DUS3L: variants seen among roughly 807,000 people sequenced by gnomAD.
The protein encoded by DUS3L is dihydrouridine synthase 3 like, also known as tRNA-dihydrouridine(47) synthase [NAD(P)(+)]-like.
DUS3L carries 62 observed loss-of-function variants against 74.6 expected under a neutral mutation model. The ratio of observed to expected loss-of-function variants is 0.83; its 90% confidence interval spans 0.68 to 1.03. The LOEUF is 1.03. Among genes scored for constraint, DUS3L ranks in the 50% least tolerant of loss-of-function variants. The pLI, the probability that DUS3L is intolerant of heterozygous loss-of-function variation, is 0.00. For missense variants in DUS3L, 884 were observed against 924.4 expected, an observed-to-expected ratio of 0.96 and a Z score of 0.57; for synonymous variants, 433 against 395.7, an observed-to-expected ratio of 1.09 and a Z score of -1.12.
At chr19:5,788,570 T>C (rs1035824205) in intron 3 of DUS3L, among the ~76,000 whole-genome samples, 172 bp from the exon 4 acceptor site, 4 of 152,144 alleles carry the variant, frequency 2.6e-5, no homozygotes, top group African/African-American at 9.7e-5. Flanking sequence ...GTTCCTTTCC[T>C]CATCGTCTCC....
In DUS3L at chr19:5,791,064, T is replaced by C; in HGVS notation, c.78A>G (p.Gly26=). The stretch of plus-strand genomic sequence containing the variant: ...CTCACTGACGCTTAATGGGCGCCAC[T>C]CCTCGTTCCAAAGCTCCGGCTCCCG... ...GDSGAGALER[G]VAPIKRQYLT... The change falls in exon 1 of 13, where the codon GGA becomes GGG. Residue 26 remains glycine, a synonymous_variant. Coordinates refer to ENST00000309061, the MANE Select transcript of DUS3L (RefSeq NM_020175.3). 6.2e-7 allele frequency: 1 copy of C among 1,605,516 alleles called. No homozygotes were observed. The highest frequency in any genetic ancestry group is 8.5e-7 in the Non-Finnish European group (1 of 1,176,564).
chr19:5,789,347 CGCCCTCGGCTGCCGT>C lies in DUS3L; in HGVS notation c.745_759del (p.Thr249_Gly253del), dbSNP rs1568388266. 6.3e-7 allele frequency: 1 copy of C among 1,599,720 alleles called. No individual in the cohort carries two copies. Among genetic ancestry groups the C allele is most frequent in the Non-Finnish European group, 8.5e-7 (1 of 1,174,412 alleles). On this transcript the variant is annotated inframe_deletion, in exon 3 of 13. Transcript: ENST00000309061. ...GCACCACAGTTTTCCTGCCTGGGAG[CGCCCTCGGCTGCCGT>C]GCCCTCGGGGACAGCGGCAGCGGGT...
At chr19:5,788,479 A>C in intron 3 of DUS3L, 81 bp from the exon 4 acceptor site, 3 of 1,514,600 alleles carry the variant, frequency 2.0e-6, no homozygotes, top group Non-Finnish European at 2.7e-6. Flanking sequence ...TTCTACCCAC[A>C]GTCTAGGACA....
In DUS3L at chr19:5,791,054, T is replaced by C; in HGVS notation, c.88A>G (p.Ile30Val). 1 of 1,603,724 alleles carries C rather than the reference T, an allele frequency of 6.2e-7. No homozygotes were observed. The highest frequency in any genetic ancestry group is 1.7e-5 in the Admixed American group (1 of 58,410). ...GCCCCGGCGACTCACTGACGCTTAA[T>C]GGGCGCCACTCCTCGTTCCAAAGCT... ...AGALERGVAP[I>V]KRQYLTTKEQ... Residue 30 changes from isoleucine (I) to valine (V), a missense_variant, in exon 1 of 13, where the codon ATT (isoleucine) becomes GTT (valine). Ile to Val is a conservative substitution (Grantham distance 29). Transcript: ENST00000309061.
chr19:5,789,389 T>C lies in DUS3L; in HGVS notation c.718A>G (p.Thr240Ala). The change falls in exon 3 of 13, where the codon ACA becomes GCA. Residue 240 changes from threonine to alanine, a missense_variant. By Grantham distance (58) the Thr-to-Ala change is moderately conservative. Coordinates refer to ENST00000309061, the MANE Select transcript of DUS3L (RefSeq NM_020175.3). ...CCCTCGGGGACAGCGGCAGCGGGTGTGGGGCCCTGGCTGAACCGGCGCAGG... is the reference window on the plus strand; with the variant it reads ...CCCTCGGGGACAGCGGCAGCGGGTGCGGGGCCCTGGCTGAACCGGCGCAGG... ...QALRRFSQGP[T>A]PAAAVPEGTA... is the part of the protein sequence containing the mutation. The C allele has an allele frequency of 6.3e-7, 1 of 1,592,284 alleles. No individual in the cohort carries two copies. The highest frequency in any genetic ancestry group is 8.5e-7 in the Non-Finnish European group (1 of 1,172,182).
intron 3 of DUS3L, 104 bp downstream of exon 3, chr19:5,789,103 C>T (rs2056882981): frequency 6.9e-7 from 1 of 1,458,588 alleles, no homozygotes; most frequent in South Asian, 1.5e-5. Context: ...GGCACACAGC[C>T]TCTGACTCCC....
rs2056863038 is a variant in DUS3L, at chr19:5,787,296, C to T, written c.1278G>A (p.Gln426=). ...KFQQIVRGMN[Q]VLDVPLTVKI... ...AGTGCGAGGATGTGGCTGGCCGTAC[C>T]TGGTTCATGCCACGGACGATCTGCT... The change falls in exon 7 of 13, where the codon CAG becomes CAA. Residue 426 remains glutamine, a splice_region_variant and synonymous_variant. Coordinates refer to ENST00000309061, the MANE Select transcript of DUS3L (RefSeq NM_020175.3). 9.7e-7 allele frequency: 1 copy of T among 1,030,162 alleles called. No individual in the cohort carries two copies. The highest frequency in any genetic ancestry group is 1.0e-4 in the East Asian group (1 of 9,774). 63.8% of individuals were successfully genotyped at this position (1,030,162 alleles called of 1,614,324 possible).
Position 5,787,072 on chromosome 19 carries a change from C to T in DUS3L, c.1378G>A (p.Ala460Thr). The T allele has an allele frequency of 2.6e-6, 4 of 1,549,210 alleles. No individual in the cohort carries two copies. The highest frequency in any genetic ancestry group is 1.4e-5 in the African/African-American group (1 of 73,546). The change falls in exon 8 of 13, where the codon GCA becomes ACA. Residue 460 changes from alanine (A) to threonine (T), a missense_variant. Physicochemically the swap from Ala to Thr is moderately conservative, Grantham distance 58. Coordinates refer to ENST00000309061, the MANE Select transcript of DUS3L (RefSeq NM_020175.3). The part of the protein sequence containing the change: ...LLPELRDWGV[A>T]LVTLHGRSRE... ...GTCCCAAGACCCACCGTGACGAGTG[C>T]CACGCCCCAGTCCCGCAGCTCGGGC...
intron 6 of DUS3L, 77 bp from the exon 7 acceptor site, chr19:5,787,438 C>A (rs1280354425): frequency 6.4e-7 from 1 of 1,555,418 alleles, no homozygotes; most frequent in Non-Finnish European, 8.8e-7. Flanking sequence ...GCCCGGAGGC[C>A]CCCACCAGGA....
At position 5,786,495 on chromosome 19, in the gene DUS3L, TC is replaced by T. The variant is rs1386586882; in HGVS notation, c.1533del (p.Thr512LeufsTer7). 17 of 1,612,930 alleles carry T rather than the reference TC, an allele frequency of 1.1e-5. No homozygotes were observed. The highest frequency in any genetic ancestry group is 2.7e-5 in the African/African-American group (2 of 74,920). ...LSFEDANRAM[Q>X]TGVTGIMIAR... The stretch of plus-strand genomic sequence containing the variant: ...GCAATCATGATCCCGGTGACACCAG[TC>T]TGCATGGCGCGGTTGGCATCCTCAA... On this transcript the variant is annotated frameshift_variant, in exon 10 of 13. Coordinates refer to ENST00000309061, the MANE Select transcript of DUS3L (RefSeq NM_020175.3). LOFTEE classifies it high-confidence loss of function.
Position 5,789,239 on chromosome 19 carries a change from C to T in DUS3L, c.868G>A (p.Val290Met), listed in dbSNP as rs2056884662. Residue 290 changes from valine to methionine, a missense_variant, in exon 3 of 13, where the codon GTG (valine) becomes ATG (methionine). By Grantham distance (21) the Val-to-Met change is conservative (BLOSUM62 1). Coordinates refer to ENST00000309061, the MANE Select transcript of DUS3L (RefSeq NM_020175.3). The part of the protein sequence containing the change: ...RTCGPLTDED[V>M]VRLRPCEKKR... ...TTCTCACAGGGCCGCAGCCTGACCA[C>T]GTCCTCATCCGTCAGGGGCCCGCAG... 1.9e-6 allele frequency: 3 copies of T among 1,563,784 alleles called. No homozygotes were observed. Among genetic ancestry groups the T allele is most frequent in the African/African-American group, 1.4e-5 (1 of 72,750 alleles).
Position 5,785,155 on chromosome 19 carries a change from A to G in DUS3L, c.*48T>C. The G allele has an allele frequency of 6.5e-7, 1 of 1,550,238 alleles. No individual in the cohort carries two copies. The highest frequency in any genetic ancestry group is 8.7e-7 in the Non-Finnish European group (1 of 1,145,756). On this transcript the variant is annotated 3_prime_UTR_variant, in exon 13 of 13. Transcript: ENST00000309061. ...AAGGCCTGGATTTTAAAAGAATAAA[A>G]TTTATTGTACTCTCCTCGCCCCAGG...
rs1451865334 is a variant in DUS3L, at chr19:5,787,653, C to A, written c.1148G>T (p.Arg383Leu). The stretch of plus-strand genomic sequence containing the variant: ...GTCCACAAAGTCCACCTCCACGGTG[C>A]GGCTCAGCAGCTCGGCACACTTGGT... ...TMTKCAELLS[R>L]TVEVDFVDIN... The change falls in exon 6 of 13, where the codon CGC (arginine) becomes CTC (leucine). Residue 383 changes from arginine (R) to leucine (L), a missense_variant. Arg to Leu is a moderately radical substitution (Grantham distance 102, BLOSUM62 -2). Coordinates refer to ENST00000309061, the MANE Select transcript of DUS3L (RefSeq NM_020175.3). 1.2e-6 allele frequency: 2 copies of A among 1,613,754 alleles called. No individual in the cohort carries two copies. The highest frequency in any genetic ancestry group is 8.5e-7 in the Non-Finnish European group (1 of 1,179,974).
rs754597709 is a variant in DUS3L at position 5,787,110 on chromosome 19, G to A, written c.1340C>T (p.Ala447Val). ...RTGVQERVNLAHRLLPELRDW... is the reference protein window; with the variant it reads ...RTGVQERVNLVHRLLPELRDW... ...CCGCAGCTCGGGCAGCAGGCGGTGC[G>A]CCAGGTTCACACGCTCCTGGACGCC... Residue 447 changes from alanine to valine, a missense_variant, in exon 8 of 13, where the codon GCG (alanine) becomes GTG (valine). Ala to Val is a moderately conservative substitution (Grantham distance 64). Coordinates refer to ENST00000309061, the MANE Select transcript of DUS3L (RefSeq NM_020175.3). The A allele has an allele frequency of 2.4e-5, 24 of 1,010,296 alleles. No individual in the cohort carries two copies. Among genetic ancestry groups the A allele is most frequent in the Admixed American group, 2.2e-4 (5 of 22,490 alleles). The allele number at this position is 1,010,296 out of a possible 1,614,324, so 62.6% of individuals were successfully genotyped here.
Position 5,791,150 on chromosome 19 carries a change from C to T in DUS3L, c.-9G>A. The T allele has an allele frequency of 1.9e-6, 3 of 1,597,178 alleles. No individual in the cohort carries two copies. The highest frequency in any genetic ancestry group is 2.6e-6 in the Non-Finnish European group (3 of 1,172,068). On this transcript the variant is annotated 5_prime_UTR_variant, in exon 1 of 13. Coordinates refer to ENST00000309061, the MANE Select transcript of DUS3L (RefSeq NM_020175.3). ...GCCGTTCCCTCCGCCATCGGCGCCC[C>T]TCACATCCGCTCTGGAGTGTGGCGG...
rs948344702 is a variant in DUS3L at position 5,785,248 on chromosome 19, G to C, written c.1908C>G (p.Pro636=). The part of the protein sequence containing the change: ...ISEMLLGPVP[P]SFAFLPKHKA... ...TGTGCTTCGGCAAGAAGGCGAAGCT[G>C]GGGGGCACTGGCCCAAGGAGCATCT... Residue 636 remains proline (P), a synonymous_variant, in exon 13 of 13, where the codon CCC becomes CCG. Coordinates refer to ENST00000309061, the MANE Select transcript of DUS3L (RefSeq NM_020175.3). 8.7e-6 allele frequency: 14 copies of C among 1,610,474 alleles called. No individual in the cohort carries two copies. Among genetic ancestry groups the C allele is most frequent in the Admixed American group, 3.4e-5 (2 of 59,646 alleles).
chr19:5,787,667 G>C lies in DUS3L; in HGVS notation c.1134C>G (p.Ala378=), dbSNP rs1054173916. Residue 378 remains alanine (A), a synonymous_variant, in exon 6 of 13, where the codon GCC becomes GCG. Transcript: ENST00000309061. ...GAFPDTMTKC[A]ELLSRTVEVD... ...CCTCCACGGTGCGGCTCAGCAGCTC[G>C]GCACACTTGGTCATGGTGTCGGGGA... 1.9e-6 allele frequency: 3 copies of C among 1,613,740 alleles called. No homozygotes were observed. Among genetic ancestry groups the C allele is most frequent in the Non-Finnish European group, 2.5e-6 (3 of 1,179,966 alleles).
In DUS3L at chr19:5,790,112, T is replaced by C; in HGVS notation, c.322A>G (p.Lys108Glu). The C allele has an allele frequency of 1.2e-6, 2 of 1,614,118 alleles. No homozygotes were observed. Among genetic ancestry groups the C allele is most frequent in the Non-Finnish European group, 1.7e-6 (2 of 1,180,012 alleles). ...QTQKRARGQNKGRPHVKPTNY... is the reference protein window; with the variant it reads ...QTQKRARGQNEGRPHVKPTNY... ...GTGGGCTTCACATGGGGCCGGCCCT[T>C]GTTTTGTCCCCGGGCCCTCTTCTGA... Residue 108 changes from lysine (K) to glutamate (E), a missense_variant, in exon 2 of 13, where the codon AAG becomes GAG. Physicochemically the swap from Lys to Glu is moderately conservative, Grantham distance 56. Coordinates refer to ENST00000309061, the MANE Select transcript of DUS3L (RefSeq NM_020175.3).
chr19:5,790,374 G>A (rs760794481), intron 1 of DUS3L, 39 bp from the exon 2 acceptor site: 4 of 1,610,466 alleles, frequency 2.5e-6, no homozygotes, highest in Non-Finnish European at 3.4e-6. Flanking sequence ...TCCGAACATA[G>A]TCAATAAACA....
Sources: gnomAD v4.1 joint callset for allele counts (sites outside exome capture counted in the v4.1 genomes callset) on GRCh38, gnomAD v4.1.1 for gene constraint, MANE v1.5 for transcripts, NCBI Gene and HGNC (gene_info 2026-07-23, HGNC 2026-07-21) for gene names.